The following USH2A variants were observed in gnomAD, a reference collection of about 807,000 sequenced individuals.
USH2A encodes Usher syndrome 2A (autosomal recessive, mild).
In USH2A, 443 loss-of-function variants were observed where a neutral mutation model predicts 538.9. That is an observed-to-expected ratio of 0.82 (90% CI 0.76 to 0.89). The LOEUF (loss-of-function observed/expected upper bound fraction) is 0.89, where lower values mean the gene tolerates loss of function less well. Among genes scored for constraint, USH2A ranks in the 40% least tolerant of loss-of-function variants. The pLI is 0.00. For synonymous variants in USH2A, 2,413 were observed against 2,273.5 expected, an observed-to-expected ratio of 1.06 and a Z score of -1.75; for missense variants, 6,633 against 6,324.8, an observed-to-expected ratio of 1.05 and a Z score of -1.65.
At chr1:215,630,434 G>GTA (rs1344719274) in intron 70 of USH2A, among the ~76,000 whole-genome samples, 9 of 144,120 alleles carry the variant, frequency 6.2e-5, no homozygotes, top group African/African-American at 2.4e-4. Flanking sequence ...ATGTGTGTGT[G>GTA]TATATATACA....
chr1:215,906,574 C>A (rs937978431), intron 38 of USH2A, among the ~76,000 whole-genome samples: 2 of 151,844 alleles, frequency 1.3e-5, no homozygotes, highest in African/African-American at 4.8e-5. Context: ...AAAAGCAAAC[C>A]ATTTACAATA....
At chr1:216,197,153 T>G (rs1008583106) in intron 18 of USH2A, among the ~76,000 whole-genome samples, 1 of 152,176 alleles carries the variant, frequency 6.6e-6, no homozygotes, top group African/African-American at 2.4e-5. Context: ...TGCAGCTGGC[T>G]GAATATTATT....
chr1:216,231,570 A>G (rs1405023880), intron 14 of USH2A, among the ~76,000 whole-genome samples: 1 of 150,524 alleles, frequency 6.6e-6, no homozygotes, highest in Non-Finnish European at 1.5e-5. Context: ...TTTTTTTGAG[A>G]CAGAGTCTTG....
chr1:216,220,419 G>A (rs1378233137), intron 14 of USH2A, among the ~76,000 whole-genome samples: 1 of 145,894 alleles, frequency 6.9e-6, no homozygotes, highest in African/African-American at 2.5e-5. Flanking sequence ...AACGGAAACA[G>A]CATTAATAAA....
At position 216,157,066 on chromosome 1, in the gene USH2A, G is replaced by T. The variant is rs192262167; in HGVS notation, c.4627+18186C>A. ...TTTTTGTATTTTTAGTAGAGACAGG[G>T]TTTCACCATGTTGACCAGGATGGTC... On this transcript the variant is annotated intron_variant, in intron 21 of 71. Coordinates refer to ENST00000307340, the MANE Select transcript of USH2A (RefSeq NM_206933.4). Among the ~76,000 whole-genome samples, 897 of 152,088 alleles carry T rather than the reference G, an allele frequency of 5.9e-3. 6 individuals carry two copies. The highest frequency in any genetic ancestry group is 0.021 in the African/African-American group (851 of 41,490).
chr1:215,816,938 T>G, intron 48 of USH2A, 59 bp downstream of exon 48: 1 of 1,548,258 alleles, frequency 6.5e-7, no homozygotes, highest in Non-Finnish European at 8.9e-7. Flanking sequence ...AGCTAATAAT[T>G]TCACTTGGAG....
chr1:216,288,937 T>C (rs547080983), intron 11 of USH2A, among the ~76,000 whole-genome samples: 1 of 152,238 alleles, frequency 6.6e-6, no homozygotes, highest in Non-Finnish European at 1.5e-5. Flanking sequence ...ATGGAATTTT[T>C]GGAGAAACTA....
At chr1:216,200,417 C>T (rs1412598007) in intron 16 of USH2A, among the ~76,000 whole-genome samples, 1 of 152,092 alleles carries the variant, frequency 6.6e-6, no homozygotes, top group Non-Finnish European at 1.5e-5. Flanking sequence ...AAAGTCCTTG[C>T]GGTTCTCCAA....
chr1:215,842,532 AC>A (rs1663711356), intron 46 of USH2A, among the ~76,000 whole-genome samples: 1 of 152,238 alleles, frequency 6.6e-6, no homozygotes, highest in African/African-American at 2.4e-5. Flanking sequence ...AGCACTATTA[AC>A]AATAGCAATG....
chr1:215,677,321 A>G (rs1658065078), intron 62 of USH2A, among the ~76,000 whole-genome samples: 1 of 151,982 alleles, frequency 6.6e-6, no homozygotes, highest in Non-Finnish European at 1.5e-5. Context: ...TCACCAGTTT[A>G]TCTCCCTCTA....
chr1:215,814,094 C>T (rs998737411), intron 48 of USH2A, among the ~76,000 whole-genome samples, 190 bp from the exon 49 acceptor site: 3 of 150,486 alleles, frequency 2.0e-5, no homozygotes, highest in Non-Finnish European at 4.4e-5. Flanking sequence ...TGATAGAATG[C>T]AGCTTTTTTG....
chr1:216,203,695 G>C (rs1427092865), intron 16 of USH2A, among the ~76,000 whole-genome samples: 1 of 152,114 alleles, frequency 6.6e-6, no homozygotes, highest in Non-Finnish European at 1.5e-5. Context: ...GATGTAGTAT[G>C]AGATTATAAA....
At chr1:216,030,873 A>G (rs1399570109) in intron 32 of USH2A, among the ~76,000 whole-genome samples, 1 of 151,548 alleles carries the variant, frequency 6.6e-6, no homozygotes, top group Non-Finnish European at 1.5e-5. Context: ...TAAAATTATC[A>G]AAGGAATTTT....
At chr1:216,299,112 G>T (rs2037164104) in intron 9 of USH2A, among the ~76,000 whole-genome samples, 1 of 152,024 alleles carries the variant, frequency 6.6e-6, no homozygotes, top group Non-Finnish European at 1.5e-5. Flanking sequence ...AAAGTGCTAG[G>T]TTTACAGGCG....
chr1:215,719,148 G>A (rs1302084287), intron 61 of USH2A, among the ~76,000 whole-genome samples: 2 of 152,138 alleles, frequency 1.3e-5, no homozygotes, highest in African/African-American at 2.4e-5. Flanking sequence ...GTGAGAGTGT[G>A]TGTCTGTGTG....
At chr1:215,789,259 A>G (rs1384147978) in intron 51 of USH2A, among the ~76,000 whole-genome samples, 2 of 152,160 alleles carry the variant, frequency 1.3e-5, no homozygotes, top group Non-Finnish European at 2.9e-5. Context: ...TAACAATCTC[A>G]TGAGTTATTT....
intron 55 of USH2A, among the ~76,000 whole-genome samples, chr1:215,770,142 A>G (rs1309444080): frequency 6.6e-6 from 1 of 152,150 alleles, no homozygotes; most frequent in Non-Finnish European, 1.5e-5. Context: ...TCATTTGTCC[A>G]CTATCAGGCT....
In USH2A at chr1:216,043,440, G is replaced by A. The variant is rs142285358; in HGVS notation, c.6325+2991C>T. On this transcript the variant is annotated intron_variant, in intron 32 of 71. Coordinates refer to ENST00000307340, the MANE Select transcript of USH2A (RefSeq NM_206933.4). ...AGAAAGCTACAGCAGAAAAAAAAAT[G>A]CTATGGGTAGTATTGGAGATATATT... Among the ~76,000 whole-genome samples the A allele has an allele frequency of 9.9e-5, 15 of 152,142 alleles. No individual in the cohort carries two copies. The East Asian group carries it at 2.9e-3, about 29-fold the overall frequency.
chr1:216,421,957 A>C lies in USH2A; in HGVS notation c.380T>G (p.Phe127Cys), dbSNP rs1443478197. ...HPNAHSNSAS[F>C]IFGNHKSCFS... Reference sequence around the variant, plus strand: ...GCAGCTCTTGTGATTTCCAAAAATAAAACTTGCAGAATTGCTATGGGCGTT... The same window carrying C: ...GCAGCTCTTGTGATTTCCAAAAATACAACTTGCAGAATTGCTATGGGCGTT... Residue 127 changes from phenylalanine to cysteine, a missense_variant, in exon 2 of 72, where the codon TTT (phenylalanine) becomes TGT (cysteine). Physicochemically the swap from Phe to Cys is radical, Grantham distance 205. Transcript: ENST00000307340. 1.2e-6 allele frequency: 2 copies of C among 1,613,840 alleles called. No individual in the cohort carries two copies. Among genetic ancestry groups the C allele is most frequent in the African/African-American group, 2.7e-5 (2 of 74,914 alleles).
Sources: gnomAD v4.1 joint callset for allele counts (sites outside exome capture counted in the v4.1 genomes callset) on GRCh38, gnomAD v4.1.1 for gene constraint, MANE v1.5 for transcripts, NCBI Gene and HGNC (gene_info 2026-07-23, HGNC 2026-07-21) for gene names.